DNAH5: variants seen among roughly 807,000 people sequenced by gnomAD.
DNAH5 encodes axonemal beta dynein heavy chain 5.
Under a neutral mutation model 518.2 loss-of-function variants are expected in DNAH5, and 372 were observed. The ratio of observed to expected loss-of-function variants is 0.72; its 90% CI spans 0.66 to 0.78. The LOEUF is 0.78. DNAH5 is among the 30% of genes least tolerant of loss of function. The pLI is 0.00. For missense variants in DNAH5, 5,523 were observed against 5,687.0 expected, an observed-to-expected ratio of 0.97 and a Z score of 0.93; for synonymous variants, 2,039 against 2,025.9, an observed-to-expected ratio of 1.01 and a Z score of -0.17.
chr5:13,750,959 A>G (rs888172073), intron 65 of DNAH5, 119 bp downstream of exon 65: 1 of 1,161,778 alleles, frequency 8.6e-7, no homozygotes, highest in African/African-American at 1.5e-5. Flanking sequence ...TAATGGAAAA[A>G]AACACAGGGA....
chr5:13,894,776 C>T lies in DNAH5; in HGVS notation c.2305G>A (p.Ala769Thr), dbSNP rs1450205663. 1 of 1,614,096 alleles carries T rather than the reference C, an allele frequency of 6.2e-7. No individual in the cohort carries two copies. The highest frequency in any genetic ancestry group is 1.1e-5 in the South Asian group (1 of 91,080). The change falls in exon 16 of 79, where the codon GCC becomes ACC. Residue 769 changes from alanine to threonine, a missense_variant. This residue lies in a region of DNAH5 where 5,121 missense variants were observed against 5,223.3 expected (regional missense o/e 0.98). Transcript: ENST00000265104. Reference protein sequence around the residue: ...YQRVKSKIPAAIEQLIVPHLA... With the variant: ...YQRVKSKIPATIEQLIVPHLA... Reference sequence around the variant, plus strand: ...TGAGGGACAATCAATTGCTCAATGGCAGCAGGTATTTTTGACTTCACTCTC... The same window carrying T: ...TGAGGGACAATCAATTGCTCAATGGTAGCAGGTATTTTTGACTTCACTCTC...
At chr5:13,845,019 C>T (rs751067512) in intron 31 of DNAH5, 26 bp from the exon 32 acceptor site, 78 of 1,605,364 alleles carry the variant, frequency 4.9e-5, no homozygotes, top group Non-Finnish European at 6.5e-5. Flanking sequence ...AAACATAAAC[C>T]TTTATAACCA....
At chr5:13,776,370 A>C in intron 55 of DNAH5, 69 bp downstream of exon 55, 3 of 1,602,770 alleles carry the variant, frequency 1.9e-6, no homozygotes, top group Non-Finnish European at 1.7e-6. Flanking sequence ...CAGAGCCTTC[A>C]AGCATCCCTG....
intron 55 of DNAH5, among the ~76,000 whole-genome samples, chr5:13,771,988 A>C (rs1753405743): frequency 6.6e-6 from 1 of 152,206 alleles, no homozygotes; most frequent in Non-Finnish European, 1.5e-5. Flanking sequence ...TAATAGAGAC[A>C]ATTCATCGGC....
chr5:13,797,587 CG>C (rs1321335581), intron 47 of DNAH5, among the ~76,000 whole-genome samples: 1 of 152,080 alleles, frequency 6.6e-6, no homozygotes, highest in Non-Finnish European at 1.5e-5. Flanking sequence ...GAAATAGGAA[CG>C]TTTTTACACT....
chr5:13,853,930 C>T (rs1028050104), intron 30 of DNAH5, among the ~76,000 whole-genome samples: 1 of 152,084 alleles, frequency 6.6e-6, no homozygotes, highest in Non-Finnish European at 1.5e-5. Context: ...GAGAATGGAT[C>T]CAAGTTAGAA....
At chr5:13,838,509 T>C (rs1008914944) in intron 35 of DNAH5, among the ~76,000 whole-genome samples, 10 of 152,242 alleles carry the variant, frequency 6.6e-5, no homozygotes, top group African/African-American at 2.2e-4. Flanking sequence ...GAGCTGTGCA[T>C]GTGAGGGATC....
intron 31 of DNAH5, among the ~76,000 whole-genome samples, chr5:13,847,766 G>A (rs1451969003): frequency 6.6e-6 from 1 of 151,064 alleles, no homozygotes; most frequent in African/African-American, 2.4e-5. Context: ...GGGGGATTTC[G>A]CATGTGTGTG....
At chr5:13,955,620 A>G (rs893930811) in intron 1 of DNAH5, among the ~76,000 whole-genome samples, 1 of 152,208 alleles carries the variant, frequency 6.6e-6, no homozygotes, top group Non-Finnish European at 1.5e-5. Flanking sequence ...GTCTCCTAGG[A>G]GAAAATGTGA....
At chr5:13,768,939 T>C (rs749583468) in intron 58 of DNAH5, 21 bp downstream of exon 58, 4 of 1,614,000 alleles carry the variant, frequency 2.5e-6, no homozygotes, top group Non-Finnish European at 3.4e-6. Context: ...AGCTGACATC[T>C]GTTATATCAC....
chr5:13,921,656 A>G (rs1298320268), intron 5 of DNAH5, among the ~76,000 whole-genome samples: 1 of 151,746 alleles, frequency 6.6e-6, no homozygotes, highest in East Asian at 1.9e-4. Context: ...GCTGAATCAC[A>G]GGATCAGACT....
At chr5:13,923,005 G>A (rs1199306597) in intron 4 of DNAH5, among the ~76,000 whole-genome samples, 1 of 151,978 alleles carries the variant, frequency 6.6e-6, no homozygotes, top group African/African-American at 2.4e-5. Flanking sequence ...TTATGCATGG[G>A]GAATTCATTA....
intron 15 of DNAH5, chr5:13,899,854 C>A (rs1445432479): frequency 3.7e-6 from 1 of 271,466 alleles, no homozygotes; most frequent in Non-Finnish European, 7.1e-6. Flanking sequence ...TGCAACACTT[C>A]ACAAACAGGC....
In DNAH5 at chr5:13,866,216, T is replaced by C; in HGVS notation, c.4116+4A>G. 2 of 1,613,002 alleles carry C rather than the reference T, an allele frequency of 1.2e-6. No homozygotes were observed. Among genetic ancestry groups the C allele is most frequent in the Non-Finnish European group, 1.7e-6 (2 of 1,179,228 alleles). ...TAGAAAGTCATAGAAACTAAAAAGA[T>C]TACCTGAAACATGATAAGCCTGTCA... On this transcript the variant is annotated splice_donor_region_variant and intron_variant, in intron 26 of 78. Transcript: ENST00000265104.
At chr5:13,782,629 A>T (rs1755350784) in intron 52 of DNAH5, among the ~76,000 whole-genome samples, 1 of 152,228 alleles carries the variant, frequency 6.6e-6, no homozygotes, top group African/African-American at 2.4e-5. Flanking sequence ...CTTTTCAACC[A>T]TCATCATTTC....
chr5:13,908,747 C>T (rs1775649484), intron 12 of DNAH5, among the ~76,000 whole-genome samples: 1 of 152,196 alleles, frequency 6.6e-6, no homozygotes, highest in South Asian at 2.1e-4. Flanking sequence ...CCTGTTAGTA[C>T]CAGCACGAAC....
intron 68 of DNAH5, among the ~76,000 whole-genome samples, chr5:13,730,536 G>A (rs1241547930): frequency 2.6e-5 from 4 of 152,038 alleles, no homozygotes; most frequent in Non-Finnish European, 2.9e-5. Flanking sequence ...CCAGGTTCAT[G>A]CCATTCTCCT....
At chr5:13,958,732 G>A (rs1355587626) in intron 1 of DNAH5, among the ~76,000 whole-genome samples, 2 of 152,084 alleles carry the variant, frequency 1.3e-5, no homozygotes, top group East Asian at 3.8e-4. Flanking sequence ...TAACAAAAAC[G>A]ATAGTTAAAG....
At chr5:13,841,934 A>G (rs1444665000) in intron 32 of DNAH5, 30 bp from the exon 33 acceptor site, 1 of 1,144,356 alleles carries the variant, frequency 8.7e-7, no homozygotes, top group East Asian at 2.4e-5. Flanking sequence ...AAAAAAAAAA[A>G]AAAGCTATAG....
Sources: gnomAD v4.1 joint callset for allele counts (sites outside exome capture counted in the v4.1 genomes callset) on GRCh38, gnomAD v4.1.1 for gene constraint, gnomAD v4.1.1 regional missense constraint, MANE v1.5 for transcripts, NCBI Gene and HGNC (gene_info 2026-07-23, HGNC 2026-07-21) for gene names.